Variants in GRIK2 observed in about 807,000 individuals in gnomAD.
GRIK2 encodes glutamate ionotropic receptor kainate type subunit 2.
In GRIK2, 32 loss-of-function variants were observed where a neutral mutation model predicts 100.3. That is an observed-to-expected ratio of 0.32 (90% CI 0.24 to 0.43). GRIK2 has a LOEUF of 0.43. Among genes scored for constraint, GRIK2 ranks in the 20% least tolerant of loss-of-function variants. GRIK2 has a pLI of 1.00. For synonymous variants in GRIK2, 417 were observed against 389.4 expected (o/e 1.07, Z -0.83); for missense variants, 843 against 1,114.9 (o/e 0.76, Z 3.47).
At chr6:102,046,672 C>T (rs1770905834) in intron 15 of GRIK2, among the ~76,000 whole-genome samples, 1 of 152,086 alleles carries the variant, frequency 6.6e-6, no homozygotes, top group Admixed American at 6.6e-5. Context: ...TTCTTTATAG[C>T]AGTGTGCAAA....
chr6:101,751,226 AC>A (rs2128384533), intron 7 of GRIK2, among the ~76,000 whole-genome samples: 1 of 152,132 alleles, frequency 6.6e-6, no homozygotes, highest in African/African-American at 2.4e-5. Context: ...GGCATGAGCC[AC>A]CACACCTAGC....
At chr6:101,448,315 T>C (rs1411312190) in intron 2 of GRIK2, among the ~76,000 whole-genome samples, 1 of 151,668 alleles carries the variant, frequency 6.6e-6, no homozygotes, top group African/African-American at 2.4e-5. Context: ...CAAAATAAGT[T>C]GATAAATATA....
chr6:101,514,279 C>T (rs373409300), intron 2 of GRIK2, among the ~76,000 whole-genome samples: 25 of 151,896 alleles, frequency 1.6e-4, no homozygotes, highest in Middle Eastern at 3.4e-3. Flanking sequence ...ATGGCTCCAA[C>T]GATTGGAGGA....
chr6:102,066,377 T>C (rs1451380971), intron 16 of GRIK2, among the ~76,000 whole-genome samples: 1 of 151,562 alleles, frequency 6.6e-6, no homozygotes, highest in African/African-American at 2.4e-5. Context: ...TGACCTCTGC[T>C]CTACACAATT....
chr6:101,749,403 C>G, intron 7 of GRIK2, among the ~76,000 whole-genome samples: 1 of 152,118 alleles, frequency 6.6e-6, no homozygotes, highest in East Asian at 1.9e-4. Flanking sequence ...ACCACCACGC[C>G]TGGCCAGAAG....
At chr6:101,599,344 G>A (rs1283238296) in intron 2 of GRIK2, among the ~76,000 whole-genome samples, 1 of 151,782 alleles carries the variant, frequency 6.6e-6, no homozygotes, top group Non-Finnish European at 1.5e-5. Context: ...TTGATTCCCT[G>A]TCTTTGCTGT....
At chr6:101,846,993 C>A (rs2791831) in intron 10 of GRIK2, among the ~76,000 whole-genome samples, 144,359 of 151,074 alleles carry the variant, frequency 0.96, 69,004 homozygotes, top group African/African-American at 0.98. Flanking sequence ...TCTGTTCTCT[C>A]TTTTATTATC....
At position 101,859,443 on chromosome 6, in the gene GRIK2, G is replaced by A. The variant is rs753169811; in HGVS notation, c.1474G>A (p.Asp492Asn). 2.1e-5 allele frequency: 34 copies of A among 1,610,436 alleles called. No individual in the cohort carries two copies. The South Asian group carries it at 2.3e-4, about 11-fold the overall frequency. Reference sequence around the variant, plus strand: ...GGAAGATGGGAAATATGGAGCCCAGGATGATGCCAATGGACAATGGAATGG... The same window carrying A: ...GGAAGATGGGAAATATGGAGCCCAGAATGATGCCAATGGACAATGGAATGG... ...LVEDGKYGAQ[D>N]DANGQWNGMV... The change falls in exon 11 of 17, where the codon GAT (aspartate) becomes AAT (asparagine). Residue 492 changes from aspartate (D) to asparagine (N), a missense_variant. Transcript: ENST00000369134.
At chr6:101,772,840 A>G (rs1323923070) in intron 7 of GRIK2, among the ~76,000 whole-genome samples, 1 of 152,106 alleles carries the variant, frequency 6.6e-6, no homozygotes, top group East Asian at 1.9e-4. Flanking sequence ...ATTACCCTGC[A>G]TATGGCATTG....
At chr6:102,047,614 T>C (rs1004457383) in intron 15 of GRIK2, among the ~76,000 whole-genome samples, 9 of 151,938 alleles carry the variant, frequency 5.9e-5, no homozygotes, top group Admixed American at 5.9e-4. Context: ...CTGGGCATGG[T>C]GGTGTGAGCC....
At chr6:101,413,708 G>A (rs192724298) in intron 2 of GRIK2, among the ~76,000 whole-genome samples, 167 of 152,012 alleles carry the variant, frequency 1.1e-3, no homozygotes, top group African/African-American at 3.5e-3. Flanking sequence ...TATAATTGAA[G>A]GATTATCTTA....
At chr6:101,956,338 G>T (rs1047663672) in intron 14 of GRIK2, among the ~76,000 whole-genome samples, 1 of 151,972 alleles carries the variant, frequency 6.6e-6, no homozygotes, top group African/African-American at 2.4e-5. Context: ...GGAGAATATT[G>T]TTACCTTAAC....
intron 10 of GRIK2, among the ~76,000 whole-genome samples, chr6:101,825,635 T>C (rs1782273562): frequency 6.6e-6 from 1 of 152,074 alleles, no homozygotes; most frequent in South Asian, 2.1e-4. Flanking sequence ...TTATTTTTTA[T>C]TCCAAACATT....
intron 2 of GRIK2, among the ~76,000 whole-genome samples, chr6:101,546,828 TTTTTTTTTTTTTTTTTTTTG>T (rs1368661206): frequency 1.1e-5 from 1 of 87,334 alleles, no homozygotes; most frequent in Non-Finnish European, 2.4e-5. Context: ...TCTTTTTTTT[TTTTTTTTTTTTTTTTTTTTG>T]GAGACGGAGT....
chr6:101,884,638 A>C (rs1010168250), intron 11 of GRIK2, among the ~76,000 whole-genome samples: 2 of 152,144 alleles, frequency 1.3e-5, no homozygotes, highest in African/African-American at 2.4e-5. Flanking sequence ...AACTCTGTAA[A>C]AAGAATTAAT....
chr6:101,728,850 A>G (rs1268383530), intron 7 of GRIK2, among the ~76,000 whole-genome samples: 2 of 152,238 alleles, frequency 1.3e-5, no homozygotes, highest in East Asian at 3.9e-4. Flanking sequence ...CTGAGGCTAT[A>G]AAAAGTAAGA....
intron 7 of GRIK2, among the ~76,000 whole-genome samples, chr6:101,693,980 C>T (rs114657734): frequency 5.5e-4 from 83 of 152,044 alleles, no homozygotes; most frequent in African/African-American, 1.8e-3. Context: ...AAATTTGTGA[C>T]GTTCAGGAAG....
Position 101,520,415 on chromosome 6 carries a change from A to G in GRIK2, c.116-101534A>G, listed in dbSNP as rs113412795. Among the ~76,000 whole-genome samples the G allele has an allele frequency of 3.9e-3, 586 of 151,244 alleles. 4 individuals carry two copies. Among genetic ancestry groups the G allele is most frequent in the African/African-American group, 0.014 (567 of 41,396 alleles). Reference sequence around the variant, plus strand: ...ATATATTATTTCAGTAAGCCTCAGAAATAATATGTAATATATAAAGAGGAC... The same window carrying G: ...ATATATTATTTCAGTAAGCCTCAGAGATAATATGTAATATATAAAGAGGAC... On this transcript the variant is annotated intron_variant, in intron 2 of 16. Transcript: ENST00000369134.
At chr6:101,568,576 G>A (rs1777388713) in intron 2 of GRIK2, among the ~76,000 whole-genome samples, 2 of 151,960 alleles carry the variant, frequency 1.3e-5, no homozygotes, top group Admixed American at 6.6e-5. Flanking sequence ...ATTGCATCTG[G>A]TTATAAGAGG....
Sources: gnomAD v4.1 joint callset for allele counts (sites outside exome capture counted in the v4.1 genomes callset) on GRCh38, gnomAD v4.1.1 for gene constraint, MANE v1.5 for transcripts, NCBI Gene and HGNC (gene_info 2026-07-23, HGNC 2026-07-21) for gene names.